The following CACNA1A variants were observed in gnomAD, a reference collection of about 807,000 sequenced individuals.
CACNA1A encodes calcium voltage-gated channel subunit alpha1 A, also known as voltage-dependent P/Q-type calcium channel subunit alpha-1A.
CACNA1A carries 57 observed loss-of-function variants against 262.4 expected under a neutral mutation model. The observed-to-expected ratio is 0.22, with a 90% CI of 0.18 to 0.27. The LOEUF (loss-of-function observed/expected upper bound fraction) is 0.27. Among genes scored for constraint, CACNA1A ranks in the 10% least tolerant of loss-of-function variants. CACNA1A has a pLI of 1.00. For missense variants in CACNA1A, 2,526 were observed against 3,562.8 expected (o/e 0.71, Z 7.41); for synonymous variants, 1,431 against 1,419.3 (o/e 1.01, Z -0.18).
At chr19:13,310,489 A>AAAATAT (rs1568521426) in intron 12 of CACNA1A, among the ~76,000 whole-genome samples, 1 of 20,378 alleles carries the variant, frequency 4.9e-5, no homozygotes, top group Non-Finnish European at 7.8e-5. Context: ...AAAAAAAAAA[A>AAAATAT]ATATATATAT....
At chr19:13,281,751 T>C (rs1420155681) in intron 22 of CACNA1A, among the ~76,000 whole-genome samples, 1 of 152,102 alleles carries the variant, frequency 6.6e-6, no homozygotes, top group Non-Finnish European at 1.5e-5. Context: ...GGTGGTTACG[T>C]GGTGTGAACG....
intron 22 of CACNA1A, among the ~76,000 whole-genome samples, chr19:13,281,019 GTC>G (rs2057277062): frequency 6.6e-6 from 1 of 151,608 alleles, no homozygotes; most frequent in Admixed American, 6.6e-5. Flanking sequence ...GCATAGAAGT[GTC>G]TCATTTATTG....
chr19:13,219,979 T>TG (rs1301370250), intron 38 of CACNA1A, among the ~76,000 whole-genome samples: 1 of 147,776 alleles, frequency 6.8e-6, no homozygotes, highest in Non-Finnish European at 1.5e-5. Context: ...AAGAAAATGC[T>TG]GGGCATGGTG....
intron 3 of CACNA1A, among the ~76,000 whole-genome samples, chr19:13,385,523 C>T (rs975500904): frequency 6.6e-6 from 1 of 152,086 alleles, no homozygotes; most frequent in Non-Finnish European, 1.5e-5. Context: ...CCACTGCGCC[C>T]GGCCTTCTTT....
chr19:13,226,887 G>C (rs1241689969), intron 37 of CACNA1A: 1 of 152,638 alleles, frequency 6.6e-6, no homozygotes, highest in East Asian at 1.9e-4. Context: ...GAGGGGAAGA[G>C]AGGTTCTTGG....
At chr19:13,218,005 G>C (rs199581907) in intron 38 of CACNA1A, among the ~76,000 whole-genome samples, 1 of 147,544 alleles carries the variant, frequency 6.8e-6, no homozygotes, top group East Asian at 2.0e-4. Flanking sequence ...CGAACTCCTG[G>C]CCTCAAACGA....
chr19:13,284,239 A>C (rs2057353241), intron 21 of CACNA1A: 2 of 152,306 alleles, frequency 1.3e-5, no homozygotes, highest in South Asian at 4.1e-4. Context: ...AACCTCAGAG[A>C]AATTAAAAAA....
At chr19:13,281,864 G>A (rs900504541) in intron 22 of CACNA1A, among the ~76,000 whole-genome samples, 1 of 152,208 alleles carries the variant, frequency 6.6e-6, no homozygotes, top group Non-Finnish European at 1.5e-5. Context: ...CTGGGGCCTG[G>A]TCTGAGCACT....
intron 11 of CACNA1A, chr19:13,316,320 C>T (rs965773841): frequency 2.6e-5 from 4 of 152,104 alleles, no homozygotes; most frequent in Admixed American, 1.3e-4. Flanking sequence ...CAGACATCTC[C>T]CCATCTTTTG....
chr19:13,346,303 A>C (rs569096693), intron 6 of CACNA1A, among the ~76,000 whole-genome samples: 3 of 152,124 alleles, frequency 2.0e-5, no homozygotes, highest in African/African-American at 7.2e-5. Context: ...CACAAATGCC[A>C]GGAACATCCT....
chr19:13,253,022 C>G lies in CACNA1A; in HGVS notation c.4835G>C (p.Cys1612Ser). 1 of 1,613,548 alleles carries G rather than the reference C, an allele frequency of 6.2e-7. No individual in the cohort carries two copies. Among genetic ancestry groups the G allele is most frequent in the Non-Finnish European group, 8.5e-7 (1 of 1,179,488 alleles). Residue 1612 changes from cysteine (C) to serine (S), a missense_variant, in exon 30 of 47, where the codon TGT becomes TCT. Physicochemically the swap from Cys to Ser is moderately radical, Grantham distance 112. This residue lies in a region of CACNA1A where 66 missense variants were observed against 195.8 expected (regional missense o/e 0.34). Transcript: ENST00000360228. ...CCCAAAAGCCATGACTTTCAGCACA[C>G]ATTCCAGAGAGAAGAGGGAGGTGAA... ...IVFTSLFSLE[C>S]VLKVMAFGIL...
At chr19:13,213,214 G>GTT (rs945268046) in intron 40 of CACNA1A, among the ~76,000 whole-genome samples, 6 of 152,110 alleles carry the variant, frequency 3.9e-5, no homozygotes, top group Non-Finnish European at 8.8e-5. Flanking sequence ...CCTCTTTGCT[G>GTT]TTACCCAAAC....
intron 3 of CACNA1A, among the ~76,000 whole-genome samples, chr19:13,373,511 C>T (rs1303678112): frequency 6.6e-6 from 1 of 152,220 alleles, no homozygotes; most frequent in Non-Finnish European, 1.5e-5. Flanking sequence ...CCTCACCCTT[C>T]ATTCTGGATC....
intron 12 of CACNA1A, among the ~76,000 whole-genome samples, chr19:13,311,443 C>T (rs1337877323): frequency 6.6e-6 from 1 of 152,178 alleles, no homozygotes; most frequent in African/African-American, 2.4e-5. Flanking sequence ...CTACTTGGGT[C>T]ATTTATGTAG....
rs181496450 is a variant in CACNA1A at position 13,267,634 on chromosome 19, G to A, written c.3990-4801C>T. 4.1e-4 allele frequency among the ~76,000 whole-genome samples: 63 copies of A among 152,172 alleles called. No homozygotes were observed. The South Asian group carries it at 5.4e-3, about 13-fold the overall frequency. On this transcript the variant is annotated intron_variant, in intron 24 of 46. Coordinates refer to ENST00000360228, the MANE Select transcript of CACNA1A (RefSeq NM_001127222.2). ...GGTTTGAATCCTGACTCTGCCTCTC[G>A]TTATCCTCATCTGCAAAACAGGCCC...
In CACNA1A at chr19:13,285,076, C is replaced by T. The variant is rs368048030; in HGVS notation, c.3684G>A (p.Thr1228=). ...CTGGGGGCCATACTCACGGGTTGGT[C>T]GTGGACAGGATGAACATGGAGCTAT... The part of the protein sequence containing the change: ...PPYSSMFILS[T]TNPLRRLCHY... The change falls in exon 21 of 47, where the codon ACG becomes ACA. Residue 1228 remains threonine, a synonymous_variant. Coordinates refer to ENST00000360228, the MANE Select transcript of CACNA1A (RefSeq NM_001127222.2). 8.9e-5 allele frequency: 144 copies of T among 1,613,944 alleles called. No homozygotes were observed. The South Asian group carries it at 1.3e-3, about 14-fold the overall frequency.
chr19:13,317,949 T>A (rs1174168450), intron 10 of CACNA1A, among the ~76,000 whole-genome samples: 1 of 151,918 alleles, frequency 6.6e-6, no homozygotes, highest in African/African-American at 2.4e-5. Context: ...ACGTAATAAG[T>A]AAATTAACAG....
Position 13,285,223 on chromosome 19 carries a change from C to G in CACNA1A, c.3554-17G>C. 1 of 1,613,250 alleles carries G rather than the reference C, an allele frequency of 6.2e-7. No individual in the cohort carries two copies. Among genetic ancestry groups the G allele is most frequent in the Non-Finnish European group, 8.5e-7 (1 of 1,179,484 alleles). On this transcript the variant is annotated splice_polypyrimidine_tract_variant and intron_variant, in intron 20 of 46. Coordinates refer to ENST00000360228, the MANE Select transcript of CACNA1A (RefSeq NM_001127222.2). ...TTTTGTTCACTGTTGGGACAAGAAC[C>G]AACACAGGGCTCCCTCCACAATTTC...
At chr19:13,219,122 A>C (rs1217895794) in intron 38 of CACNA1A, among the ~76,000 whole-genome samples, 2 of 145,944 alleles carry the variant, frequency 1.4e-5, no homozygotes, top group African/African-American at 5.1e-5. Context: ...GCTCACTGCA[A>C]CCTCTGCCTC....
Sources: allele counts gnomAD v4.1 joint callset (sites outside exome capture counted in the v4.1 genomes callset), GRCh38; gene constraint gnomAD v4.1.1; regional missense constraint gnomAD v4.1.1; transcripts MANE v1.5; gene names NCBI Gene and HGNC (gene_info 2026-07-23, HGNC 2026-07-21).